RBPJ: variants seen among roughly 807,000 people sequenced by gnomAD.
RBPJ encodes recombining binding protein suppressor of hairless.
A neutral mutation model predicts 67.8 loss-of-function variants in RBPJ; 9 were observed. The observed-to-expected ratio is 0.13, with a 90% CI of 0.08 to 0.23. The LOEUF (loss-of-function observed/expected upper bound fraction) is 0.23. Among genes scored for constraint, RBPJ ranks in the 10% least tolerant of loss-of-function variants. RBPJ has a pLI of 1.00. For synonymous variants in RBPJ, 198 were observed against 203.3 expected, an observed-to-expected ratio of 0.97 and a Z score of 0.22; for missense variants, 305 against 595.6, an observed-to-expected ratio of 0.51 and a Z score of 5.08.
rs757127437 is a variant in RBPJ, at chr4:26,270,437, G to GAAAGAAAGAA, written c.-166-92007_-166-92006insAGAAAGAAAA. ...AGAAAGAAAGAAAGAAAGAAAGAAA[G>GAAAGAAAGAA]AAGAAAGAAAGAAAGAAAGAAAAGA... On this transcript the variant is annotated intron_variant, in intron 1 of 4. Coordinates refer to the RBPJ transcript ENST00000512351. Among the ~76,000 whole-genome samples the GAAAGAAAGAA allele has an allele frequency of 4.9e-3, 147 of 30,248 alleles. 16 individuals carry two copies. Among genetic ancestry groups the GAAAGAAAGAA allele is most frequent in the African/African-American group, 9.5e-3 (137 of 14,386 alleles). 19.8% of individuals were successfully genotyped at this position (30,248 alleles called of 152,430 possible).
At chr4:26,363,758 A>G (rs1247352706) in intron 1 of RBPJ, among the ~76,000 whole-genome samples, 3 of 152,232 alleles carry the variant, frequency 2.0e-5, no homozygotes, top group Non-Finnish European at 2.9e-5. Context: ...TAATTTAAAA[A>G]ATTAATATTG....
At chr4:26,192,147 T>G (rs1480342225) in intron 1 of RBPJ, among the ~76,000 whole-genome samples, 5 of 152,014 alleles carry the variant, frequency 3.3e-5, no homozygotes, top group Admixed American at 6.6e-5. Flanking sequence ...TAGCTGGAAC[T>G]ACAGGCTGCG....
intron 1 of RBPJ, among the ~76,000 whole-genome samples, chr4:26,228,680 T>C (rs918440380): frequency 6.6e-6 from 1 of 152,234 alleles, no homozygotes; most frequent in East Asian, 1.9e-4. Context: ...GAAATGAAAT[T>C]GGACATAATG....
chr4:26,312,621 A>G (rs1413575193), intron 1 of RBPJ, among the ~76,000 whole-genome samples: 1 of 152,152 alleles, frequency 6.6e-6, no homozygotes, highest in Non-Finnish European at 1.5e-5. Flanking sequence ...TCAGCTACCA[A>G]GTCATCTCTG....
chr4:26,297,000 T>C (rs1417239310), intron 1 of RBPJ, among the ~76,000 whole-genome samples: 4 of 152,200 alleles, frequency 2.6e-5, no homozygotes, highest in Admixed American at 2.6e-4. Flanking sequence ...TCGTGTCATG[T>C]AAATCACTTG....
chr4:26,168,027 A>G (rs953409544), intron 1 of RBPJ, among the ~76,000 whole-genome samples: 15 of 151,854 alleles, frequency 9.9e-5, no homozygotes, highest in African/African-American at 3.4e-4. Flanking sequence ...TCTTTATCCA[A>G]TTTGCCAGTC....
chr4:26,272,655 AT>A, intron 1 of RBPJ: 2 of 449,866 alleles, frequency 4.4e-6, no homozygotes, highest in South Asian at 1.6e-5. Flanking sequence ...TTTTGTCTTC[AT>A]TTTTTCCAAA....
chr4:26,420,409 T>A, intron 4 of RBPJ, 142 bp from the exon 5 acceptor site: 1 of 516,752 alleles, frequency 1.9e-6, no homozygotes, highest in East Asian at 3.3e-5. Context: ...ATTTTTATAG[T>A]TGATAATTTT....
At chr4:26,345,475 G>A (rs112351772) in intron 1 of RBPJ, among the ~76,000 whole-genome samples, 200 of 152,298 alleles carry the variant, frequency 1.3e-3, no homozygotes, top group African/African-American at 4.5e-3. Flanking sequence ...GTTTCTGTTG[G>A]ATGATTTCCT....
intron 1 of RBPJ, among the ~76,000 whole-genome samples, chr4:26,279,405 C>T (rs990029926): frequency 3.9e-5 from 6 of 152,152 alleles, no homozygotes; most frequent in Non-Finnish European, 7.3e-5. Flanking sequence ...CTCAGCCCCC[C>T]GAGTAGTTGG....
chr4:26,168,297 G>A (rs1243435245), intron 1 of RBPJ, among the ~76,000 whole-genome samples: 1 of 151,940 alleles, frequency 6.6e-6, no homozygotes, highest in Non-Finnish European at 1.5e-5. Flanking sequence ...GCATTTGCTT[G>A]TCTGTAAAGT....
At chr4:26,141,949 C>G in the RBPJ span, among the ~76,000 whole-genome samples, 1 of 152,338 alleles carries the variant, frequency 6.6e-6, no homozygotes, top group Admixed American at 6.5e-5. Context: ...AATTTGCATG[C>G]AGAGTGTTTA....
chr4:26,353,841 A>G (rs1727064862), intron 1 of RBPJ, among the ~76,000 whole-genome samples: 2 of 151,044 alleles, frequency 1.3e-5, no homozygotes, highest in African/African-American at 2.4e-5. Flanking sequence ...GAATTCCTGG[A>G]CCTCAGGTGA....
At chr4:26,164,318 G>A (rs941460319) in intron 1 of RBPJ, among the ~76,000 whole-genome samples, 2 of 152,176 alleles carry the variant, frequency 1.3e-5, no homozygotes, top group Non-Finnish European at 2.9e-5. Flanking sequence ...ACAATAGTAT[G>A]TATACTATTC....
chr4:26,281,499 C>T (rs920045840), intron 1 of RBPJ, among the ~76,000 whole-genome samples: 2 of 152,102 alleles, frequency 1.3e-5, no homozygotes, highest in Non-Finnish European at 2.9e-5. Flanking sequence ...AGGCTGGTCT[C>T]GAACTCTTGA....
chr4:26,337,060 C>T (rs879304216), intron 1 of RBPJ, among the ~76,000 whole-genome samples: 2 of 152,132 alleles, frequency 1.3e-5, no homozygotes, highest in Non-Finnish European at 2.9e-5. Flanking sequence ...CTCCCGGGTT[C>T]AAGCGATTCT....
intron 1 of RBPJ, among the ~76,000 whole-genome samples, chr4:26,378,515 T>G (rs1729988554): frequency 6.6e-6 from 1 of 152,144 alleles, no homozygotes; most frequent in South Asian, 2.1e-4. Flanking sequence ...TATGGATATT[T>G]GGAAAGACAT....
intron 3 of RBPJ, among the ~76,000 whole-genome samples, chr4:26,412,493 A>G (rs887309724): frequency 2.6e-5 from 4 of 152,132 alleles, no homozygotes; most frequent in Admixed American, 1.3e-4. Context: ...CAGCCTCCCA[A>G]AGTGCTGGGA....
At chr4:26,210,727 C>A (rs201400416) in intron 1 of RBPJ, among the ~76,000 whole-genome samples, 37 of 61,782 alleles carry the variant, frequency 6.0e-4, no homozygotes, top group African/African-American at 9.1e-4. Flanking sequence ...TTCTTTCTTT[C>A]CTTCTTTACT....
Sources: allele counts gnomAD v4.1 joint callset (sites outside exome capture counted in the v4.1 genomes callset), GRCh38; gene constraint gnomAD v4.1.1; transcripts MANE v1.5; gene names NCBI Gene and HGNC (gene_info 2026-07-23, HGNC 2026-07-21).